Variants in CWC27 observed in about 807,000 individuals in gnomAD.
The protein encoded by CWC27 is spliceosome-associated protein CWC27 homolog.
Under a neutral mutation model 63.6 loss-of-function variants are expected in CWC27, and 47 were observed. The observed-to-expected ratio is 0.74, with a 90% CI of 0.58 to 0.94. The LOEUF (loss-of-function observed/expected upper bound fraction) is 0.94, where lower values mean the gene tolerates loss of function less well. Ranked by LOEUF, CWC27 falls within the 40% of genes least tolerant of loss-of-function variation. The pLI is 0.00. For synonymous variants in CWC27, 175 were observed against 179.8 expected, an observed-to-expected ratio of 0.97 and a Z score of 0.22; for missense variants, 495 against 554.3, an observed-to-expected ratio of 0.89 and a Z score of 1.07.
chr5:64,858,023 A>G (rs1746296144), intron 10 of CWC27, among the ~76,000 whole-genome samples: 1 of 144,578 alleles, frequency 6.9e-6, no homozygotes, highest in Non-Finnish European at 1.5e-5. Flanking sequence ...CTGTAGTCCC[A>G]GCTACTCGGG....
chr5:64,800,716 ACCAGTTTGGGGGC>A (rs1744458529), intron 8 of CWC27, among the ~76,000 whole-genome samples: 1 of 152,208 alleles, frequency 6.6e-6, no homozygotes, highest in Non-Finnish European at 1.5e-5. Context: ...TGAAGAAGTT[ACCAGTTTGGGGGC>A]CAGTCCACTG....
intron 13 of CWC27, among the ~76,000 whole-genome samples, chr5:64,985,727 A>G (rs1749412816): frequency 6.6e-6 from 1 of 151,962 alleles, no homozygotes; most frequent in Admixed American, 6.5e-5. Context: ...TATGACATGT[A>G]TTTATTCATT....
intron 2 of CWC27, among the ~76,000 whole-genome samples, chr5:64,780,475 A>G (rs1743631766): frequency 6.7e-6 from 1 of 149,170 alleles, no homozygotes; most frequent in African/African-American, 2.4e-5. Flanking sequence ...TAGAAACAAT[A>G]TATATAAATA....
chr5:65,015,202 AG>A (rs1750029704), intron 13 of CWC27, among the ~76,000 whole-genome samples: 2 of 152,230 alleles, frequency 1.3e-5, no homozygotes, highest in South Asian at 4.1e-4. Flanking sequence ...CTCATGGCAT[AG>A]AAAGGAAAAA....
At chr5:65,006,994 GAAAGAAAGAAAGAA>G (rs1177454681) in intron 13 of CWC27, among the ~76,000 whole-genome samples, 1 of 148,962 alleles carries the variant, frequency 6.7e-6, no homozygotes, top group Non-Finnish European at 1.5e-5. Flanking sequence ...AAGAAAGAAA[GAAAGAAAGAAAGAA>G]AGAAAGAAAG....
Position 64,800,099 on chromosome 5 carries a change from T to C in CWC27, c.670-149T>C, listed in dbSNP as rs539609191. 18 of 475,452 alleles carry C rather than the reference T, an allele frequency of 3.8e-5. No homozygotes were observed. The South Asian group carries it at 8.5e-4, about 22-fold the overall frequency. 29.5% of individuals were successfully genotyped at this position (475,452 alleles called of 1,614,324 possible). A position where few individuals can be genotyped will look rare whatever the true frequency, so the allele number is the denominator to read the frequency against. On this transcript the variant is annotated intron_variant, in intron 7 of 13. Transcript: ENST00000381070. The stretch of plus-strand genomic sequence containing the variant: ...AATAGAAGAGTAAGATTCTTACTTA[T>C]AAAACTTTAGTTTGTATTAAACTTT...
At chr5:64,908,819 G>A (rs567142110) in intron 11 of CWC27, among the ~76,000 whole-genome samples, 7 of 152,076 alleles carry the variant, frequency 4.6e-5, no homozygotes, top group African/African-American at 1.7e-4. Context: ...CACACTGATG[G>A]GTCTTGACTC....
At chr5:65,017,339 TTTCTC>T (rs1348644371) in intron 13 of CWC27, among the ~76,000 whole-genome samples, 1 of 152,146 alleles carries the variant, frequency 6.6e-6, no homozygotes, top group East Asian at 1.9e-4. Context: ...AAATTGAACT[TTTCTC>T]TTTCTAAATT....
intron 7 of CWC27, among the ~76,000 whole-genome samples, chr5:64,790,676 C>T (rs990804914): frequency 1.3e-5 from 2 of 152,122 alleles, no homozygotes; most frequent in Admixed American, 6.6e-5. Flanking sequence ...CTCCCCCTGC[C>T]ACTGAACTCC....
At chr5:64,825,467 G>A (rs6896917) in intron 10 of CWC27, among the ~76,000 whole-genome samples, 58,271 of 151,962 alleles carry the variant, frequency 0.38, 12,005 homozygotes, top group African/African-American at 0.53. Context: ...TGAGATATAT[G>A]TTTACATGAT....
At chr5:64,983,981 AC>A (rs1749373764) in intron 13 of CWC27, among the ~76,000 whole-genome samples, 1 of 151,830 alleles carries the variant, frequency 6.6e-6, no homozygotes, top group South Asian at 2.1e-4. Flanking sequence ...ACAGGTGCGC[AC>A]CACCACGCCC....
chr5:64,807,836 C>A (rs1439800765), intron 10 of CWC27: 11 of 1,528,824 alleles, frequency 7.2e-6, no homozygotes. Context: ...GTATTTCTTT[C>A]TCTTCCCCGC....
intron 10 of CWC27, among the ~76,000 whole-genome samples, chr5:64,811,440 A>ATTTTATTGTGATTCTAAAT (rs1203796198): frequency 1.3e-5 from 2 of 152,062 alleles, no homozygotes; most frequent in African/African-American, 2.4e-5. Context: ...ATCATCTATA[A>ATTTTATTGTGATTCTAAAT]TTTTATTGTG....
At chr5:64,805,217 A>G (rs530870709) in intron 10 of CWC27, among the ~76,000 whole-genome samples, 1 of 151,912 alleles carries the variant, frequency 6.6e-6, no homozygotes, top group Non-Finnish European at 1.5e-5. Flanking sequence ...TATGTAATCA[A>G]ATAAAAATGA....
At chr5:64,854,958 C>CA (rs763037400) in intron 10 of CWC27, among the ~76,000 whole-genome samples, 10 of 150,738 alleles carry the variant, frequency 6.6e-5, no homozygotes, top group Non-Finnish European at 8.9e-5. Flanking sequence ...GATTTATCGT[C>CA]AAAAAAAAAT....
At chr5:64,918,348 A>G (rs964276895) in intron 11 of CWC27, among the ~76,000 whole-genome samples, 6 of 152,186 alleles carry the variant, frequency 3.9e-5, no homozygotes, top group Non-Finnish European at 8.8e-5. Context: ...GAAGAGCTCT[A>G]TTATACAAAA....
At chr5:64,962,659 G>A (rs563078756) in intron 11 of CWC27, among the ~76,000 whole-genome samples, 2 of 152,246 alleles carry the variant, frequency 1.3e-5, no homozygotes, top group South Asian at 4.2e-4. Flanking sequence ...CTATTTATAT[G>A]GTATAGGATT....
At chr5:64,930,789 G>A (rs992523589) in intron 11 of CWC27, among the ~76,000 whole-genome samples, 18 of 152,210 alleles carry the variant, frequency 1.2e-4, no homozygotes, top group African/African-American at 3.9e-4. Flanking sequence ...AATGAGAAGC[G>A]TATGGACACC....
chr5:64,808,027 G>A (rs1201100039), intron 10 of CWC27: 2 of 1,356,416 alleles, frequency 1.5e-6, no homozygotes, highest in African/African-American at 3.0e-5. Flanking sequence ...TGGTCTTCCT[G>A]CTCTGGAGAT....
Sources: gnomAD v4.1 joint callset for allele counts (sites outside exome capture counted in the v4.1 genomes callset) on GRCh38, gnomAD v4.1.1 for gene constraint, MANE v1.5 for transcripts, NCBI Gene and HGNC (gene_info 2026-07-23, HGNC 2026-07-21) for gene names.